TRIP11: variants seen among roughly 807,000 people sequenced by gnomAD.
The protein encoded by TRIP11 is thyroid hormone receptor interactor 11.
In TRIP11, 148 loss-of-function variants were observed where a neutral mutation model predicts 223.1. That is an observed-to-expected ratio of 0.66 (90% CI 0.58 to 0.76). The LOEUF is 0.76. TRIP11 is among the 30% of genes least tolerant of loss of function. The pLI, the probability that TRIP11 is intolerant of heterozygous loss-of-function variation, is 0.00. For missense variants in TRIP11, 2,043 were observed against 2,222.0 expected (o/e 0.92, Z 1.62); for synonymous variants, 762 against 772.6 (o/e 0.99, Z 0.23).
chr14:92,004,672 A>T lies in TRIP11; in HGVS notation c.3304T>A (p.Phe1102Ile). The T allele has an allele frequency of 2.5e-6, 4 of 1,614,166 alleles. No individual in the cohort carries two copies. The highest frequency in any genetic ancestry group is 3.4e-6 in the Non-Finnish European group (4 of 1,180,018). The change falls in exon 11 of 21, where the codon TTT becomes ATT. Residue 1102 changes from phenylalanine (F) to isoleucine (I), a missense_variant. By Grantham distance (21) the Phe-to-Ile change is conservative. Coordinates refer to ENST00000267622, the MANE Select transcript of TRIP11 (RefSeq NM_004239.4). Reference protein sequence around the residue: ...QAYAMEREKVFAVLNEKTREN... With the variant: ...QAYAMEREKVIAVLNEKTREN... ...CTAGTCTTCTCATTCAAAACAGCAAATACCTTTTCTCTTTCCATAGCATAA... is the reference window on the plus strand; with the variant it reads ...CTAGTCTTCTCATTCAAAACAGCAATTACCTTTTCTCTTTCCATAGCATAA...
chr14:91,989,981 T>C (rs1293045279), intron 15 of TRIP11, among the ~76,000 whole-genome samples: 1 of 152,194 alleles, frequency 6.6e-6, no homozygotes, highest in Non-Finnish European at 1.5e-5. Flanking sequence ...AGCCTGCCTT[T>C]GATGTGGGCT....
At chr14:92,029,858 A>T (rs2057241083) in intron 2 of TRIP11, among the ~76,000 whole-genome samples, 1 of 151,958 alleles carries the variant, frequency 6.6e-6, no homozygotes, top group South Asian at 2.1e-4. Flanking sequence ...AATCTTACAC[A>T]AATCTTCAGA....
rs538613981 is a variant in TRIP11, at chr14:91,975,573, T to G, written c.5343-287A>C. Among the ~76,000 whole-genome samples the G allele has an allele frequency of 3.3e-5, 5 of 152,238 alleles. No homozygotes were observed. In the East Asian group the frequency reaches 9.6e-4, roughly 29 times the overall value. On this transcript the variant is annotated intron_variant, in intron 17 of 20. Coordinates refer to ENST00000267622, the MANE Select transcript of TRIP11 (RefSeq NM_004239.4). ...GTTACTGACCGAGGTGGCGCCTCCT[T>G]AGTAATTCCAAGCTCCTGACTGGGC... is the stretch of plus-strand genomic sequence containing the variant.
intron 2 of TRIP11, among the ~76,000 whole-genome samples, chr14:92,029,720 T>C (rs2057239682): frequency 6.6e-6 from 1 of 152,188 alleles, no homozygotes; most frequent in Non-Finnish European, 1.5e-5. Context: ...TTTTAATTAT[T>C]TGATGAAGAG....
At chr14:91,973,332 T>C (rs1028254350) in intron 19 of TRIP11, among the ~76,000 whole-genome samples, 2 of 152,150 alleles carry the variant, frequency 1.3e-5, no homozygotes, top group Non-Finnish European at 2.9e-5. Context: ...CCTAAAATAC[T>C]AGCACTTTAG....
intron 8 of TRIP11, among the ~76,000 whole-genome samples, 192 bp downstream of exon 8, chr14:92,011,563 C>T (rs891503308): frequency 4.7e-5 from 7 of 149,176 alleles, no homozygotes; most frequent in South Asian, 2.1e-4. Flanking sequence ...CATGCATTTT[C>T]GACACTCTTA....
chr14:92,013,700 T>C (rs537703986), intron 7 of TRIP11, among the ~76,000 whole-genome samples: 3 of 151,926 alleles, frequency 2.0e-5, no homozygotes, highest in East Asian at 2.0e-4. Context: ...TGTAAGTAAA[T>C]TTATTTTTTA....
intron 5 of TRIP11, among the ~76,000 whole-genome samples, chr14:92,016,464 C>T (rs111371871): frequency 1.2e-4 from 18 of 152,284 alleles, no homozygotes; most frequent in African/African-American, 4.3e-4. Flanking sequence ...TCTTCCCACT[C>T]CTATCCAACC....
Position 92,005,113 on chromosome 14 carries a change from T to G in TRIP11, c.2863A>C (p.Thr955Pro). 6.2e-7 allele frequency: 1 copy of G among 1,613,652 alleles called. No homozygotes were observed. Among genetic ancestry groups the G allele is most frequent in the Non-Finnish European group, 8.5e-7 (1 of 1,180,034 alleles). The change falls in exon 11 of 21, where the codon ACC (threonine) becomes CCC (proline). Residue 955 changes from threonine to proline, a missense_variant. Thr to Pro is a conservative substitution (Grantham distance 38). Transcript: ENST00000267622. ...YQHEQMNATHTQLFLEKDEEI... is the reference protein window; with the variant it reads ...YQHEQMNATHPQLFLEKDEEI... ...TCATCCTTCTCTAAAAAGAGCTGGGTGTGTGTGGCGTTCATTTGCTCATGC... is the reference window on the plus strand; with the variant it reads ...TCATCCTTCTCTAAAAAGAGCTGGGGGTGTGTGGCGTTCATTTGCTCATGC...
intron 11 of TRIP11, 46 bp downstream of exon 11, chr14:92,003,373 T>C (rs756914403): frequency 1.9e-6 from 3 of 1,607,452 alleles, no homozygotes; most frequent in Non-Finnish European, 2.5e-6. Context: ...AAAAAAAGTC[T>C]CCTCCACCCC....
intron 2 of TRIP11, chr14:92,026,841 A>T: frequency 1.4e-6 from 2 of 1,461,406 alleles, no homozygotes; most frequent in Non-Finnish European, 1.9e-6. Flanking sequence ...GATGATGAGG[A>T]TGACGATGTT....
At position 92,007,081 on chromosome 14, in the gene TRIP11, AG is replaced by A. The variant is rs1244931143; in HGVS notation, c.1527+558del. The stretch of plus-strand genomic sequence containing the variant: ...CGCTCTGTTGCCCAGGCTGGAGTGC[AG>A]TGGCATGATCTCGGCTCACTGTAAC... On this transcript the variant is annotated intron_variant, in intron 10 of 20. Coordinates refer to ENST00000267622, the MANE Select transcript of TRIP11 (RefSeq NM_004239.4). 2.0e-5 allele frequency among the ~76,000 whole-genome samples: 3 copies of A among 150,012 alleles called. No homozygotes were observed. In the East Asian group the frequency reaches 5.9e-4, roughly 29 times the overall value.
chr14:92,003,535 C>T lies in TRIP11; in HGVS notation c.4441G>A (p.Ala1481Thr), dbSNP rs2056855245. ...AACTTCATGTTAGTCTCTTGTAACG[C>T]TTGATATTCTGTTTCCTTTCCCCTG... ...TYRGKETEYQ[A>T]LQETNMKFSM... Residue 1481 changes from alanine to threonine, a missense_variant, in exon 11 of 21, where the codon GCG becomes ACG. Ala to Thr is a moderately conservative substitution (Grantham distance 58, BLOSUM62 0). Transcript: ENST00000267622. 3.1e-6 allele frequency: 5 copies of T among 1,614,070 alleles called. No individual in the cohort carries two copies. Among genetic ancestry groups the T allele is most frequent in the African/African-American group, 2.7e-5 (2 of 75,034 alleles).
chr14:92,005,932 A>G lies in TRIP11; in HGVS notation c.2044T>C (p.Leu682=), dbSNP rs184077078. 50 of 1,613,582 alleles carry G rather than the reference A, an allele frequency of 3.1e-5. No individual in the cohort carries two copies. The Middle Eastern group carries it at 1.3e-3, about 43-fold the overall frequency. ...CTCACATCTTCACATGCTAAAACTAACTTTTCATTTTCCATTTTGACATCA... is the reference window on the plus strand; with the variant it reads ...CTCACATCTTCACATGCTAAAACTAGCTTTTCATTTTCCATTTTGACATCA... ...AFDVKMENEK[L]VLACEDVRHQ... Residue 682 remains leucine (L), a synonymous_variant, in exon 11 of 21, where the codon TTA becomes CTA. Coordinates refer to ENST00000267622, the MANE Select transcript of TRIP11 (RefSeq NM_004239.4).
At chr14:92,013,324 T>A (rs531278945) in intron 7 of TRIP11, among the ~76,000 whole-genome samples, 4 of 152,084 alleles carry the variant, frequency 2.6e-5, no homozygotes, top group African/African-American at 9.7e-5. Context: ...CTAGACACTA[T>A]CCTAAAGAGC....
chr14:92,011,628 C>A (rs75270618), intron 8 of TRIP11, 127 bp downstream of exon 8: 29 of 695,524 alleles, frequency 4.2e-5, no homozygotes, highest in Middle Eastern at 2.8e-4. Context: ...TACAAAATAA[C>A]TTCTAATTAT....
chr14:92,006,592 C>T (rs1339069908), intron 10 of TRIP11, 144 bp from the exon 11 acceptor site: 7 of 920,064 alleles, frequency 7.6e-6, no homozygotes, highest in Middle Eastern at 3.4e-4. Context: ...CTATCAAAAA[C>T]ACCCACTACA....
At chr14:92,035,376 A>G (rs942287319) in intron 1 of TRIP11, among the ~76,000 whole-genome samples, 3 of 151,726 alleles carry the variant, frequency 2.0e-5, no homozygotes, top group Non-Finnish European at 4.4e-5. Context: ...TTTTCTAAGT[A>G]CTAGTATTTT....
chr14:91,970,544 T>C (rs555336191), intron 20 of TRIP11, among the ~76,000 whole-genome samples: 1 of 152,278 alleles, frequency 6.6e-6, no homozygotes, highest in Non-Finnish European at 1.5e-5. Context: ...CATTTTCTGA[T>C]AAAAAAACAA....
Sources: allele counts gnomAD v4.1 joint callset (sites outside exome capture counted in the v4.1 genomes callset), GRCh38; gene constraint gnomAD v4.1.1; transcripts MANE v1.5; gene names NCBI Gene and HGNC (gene_info 2026-07-23, HGNC 2026-07-21).